The following ITSN2 variants were observed in gnomAD, a reference collection of about 807,000 sequenced individuals.
ITSN2 encodes the protein intersectin 2.
Under a neutral mutation model 243.7 loss-of-function variants are expected in ITSN2, and 156 were observed. The ratio of observed to expected loss-of-function variants is 0.64; its 90% confidence interval spans 0.56 to 0.73. ITSN2 has a LOEUF of 0.73. ITSN2 is among the 30% of genes least tolerant of loss of function. ITSN2 has a pLI of 0.00. For missense variants in ITSN2, 1,801 were observed against 1,996.1 expected (o/e 0.90, Z 1.86); for synonymous variants, 703 against 699.9 (o/e 1.00, Z -0.07).
intron 24 of ITSN2, 80 bp from the exon 25 acceptor site, chr2:24,252,591 G>T: frequency 9.6e-7 from 1 of 1,036,534 alleles, no homozygotes; most frequent in Non-Finnish European, 1.4e-6. Flanking sequence ...TATTCTCCAA[G>T]ACATTGTATA....
At chr2:24,361,188 C>T (rs897385752), upstream of ITSN2, among the ~76,000 whole-genome samples, 1 of 152,196 alleles carries the variant, frequency 6.6e-6, no homozygotes, top group African/African-American at 2.4e-5. Context: ...TAGGAAGACT[C>T]TGTCCCCATA....
At chr2:24,337,315 A>AATATATATATCTATACATAT (rs1686499406) in intron 1 of ITSN2, among the ~76,000 whole-genome samples, 1 of 32,026 alleles carries the variant, frequency 3.1e-5, no homozygotes, top group Non-Finnish European at 5.7e-5. Context: ...GTATACACAA[A>AATATATATATCTATACATAT]ATATATATAT....
chr2:24,335,725 G>A (rs529336157), intron 1 of ITSN2, among the ~76,000 whole-genome samples: 31 of 151,966 alleles, frequency 2.0e-4, no homozygotes, highest in East Asian at 1.4e-3. Context: ...TGCAACCTCC[G>A]CCTCCCTGGT....
At chr2:24,357,791 GA>G (rs1395555624) in intron 1 of ITSN2, among the ~76,000 whole-genome samples, 3 of 152,166 alleles carry the variant, frequency 2.0e-5, no homozygotes, top group Admixed American at 2.0e-4. Context: ...ATCATTTCTG[GA>G]ACTTGTTAAT....
chr2:24,308,719 G>A lies in ITSN2; in HGVS notation c.691C>T (p.Pro231Ser). Residue 231 changes from proline to serine, a missense_variant, in exon 8 of 40, where the codon CCC (proline) becomes TCC (serine). By Grantham distance (74) the Pro-to-Ser change is moderately conservative. Around this residue, in one of 5 missense-constraint regions of ITSN2, gnomAD observed 787 missense variants for 803.9 expected, o/e 0.98. Transcript: ENST00000355123. ...GCCCACTCTGAGGTCCCAGTCTTGG[G>A]TGAGTTCCCTGAGAGTGAAGCAGTC... is the stretch of plus-strand genomic sequence containing the variant. ...SSTASLSGNS[P>S]KTGTSEWAVP... is the part of the protein sequence containing the mutation. 6.6e-7 allele frequency: 1 copy of A among 1,515,848 alleles called. No individual in the cohort carries two copies. Among genetic ancestry groups the A allele is most frequent in the South Asian group, 1.4e-5 (1 of 70,954 alleles). 93.9% of individuals were successfully genotyped at this position (1,515,848 alleles called of 1,614,324 possible). A position where few individuals can be genotyped will look rare whatever the true frequency, so the allele number is the denominator to read the frequency against.
rs1683516034 is a variant in ITSN2, at chr2:24,313,490, C to T, written c.158G>A (p.Gly53Asp). 6.2e-7 allele frequency: 1 copy of T among 1,613,326 alleles called. No homozygotes were observed. The highest frequency in any genetic ancestry group is 2.2e-5 in the East Asian group (1 of 44,840). Residue 53 changes from glycine (G) to aspartate (D), a missense_variant, in exon 4 of 40, where the codon GGT (glycine) becomes GAT (aspartate). By Grantham distance (94) the Gly-to-Asp change is moderately conservative. Coordinates refer to ENST00000355123, the MANE Select transcript of ITSN2 (RefSeq NM_006277.3). ...TTCAGCTAAAACAGGGGCCGGCAGA[C>T]CTGATTGTAGGAAAAAATTACGTGC... ...DQARNFFLQS[G>D]LPAPVLAEIW...
At position 24,299,989 on chromosome 2, in the gene ITSN2, A is replaced by C; in HGVS notation, c.1264T>G (p.Leu422Val). ...QEQEWKKQLE[L>V]EKRLEKQREL... ...CGTTGCTTCTCTAAGCGTTTTTCTA[A>C]TTCAAGTTGTTTCTTCCATTCTTGT... The change falls in exon 12 of 40, where the codon TTA becomes GTA. Residue 422 changes from leucine to valine, a missense_variant. Physicochemically the swap from Leu to Val is conservative, Grantham distance 32 (BLOSUM62 1). Coordinates refer to ENST00000355123, the MANE Select transcript of ITSN2 (RefSeq NM_006277.3). The C allele has an allele frequency of 6.2e-7, 1 of 1,614,006 alleles. No individual in the cohort carries two copies. The highest frequency in any genetic ancestry group is 8.5e-7 in the Non-Finnish European group (1 of 1,179,954).
intron 17 of ITSN2, among the ~76,000 whole-genome samples, chr2:24,280,286 A>T (rs1678605649): frequency 6.6e-6 from 1 of 152,162 alleles, no homozygotes; most frequent in African/African-American, 2.4e-5. Context: ...ACAGCATCAG[A>T]ACTAAGTGCC....
intron 1 of ITSN2, among the ~76,000 whole-genome samples, chr2:24,343,972 A>T (rs1218174099): frequency 6.6e-6 from 1 of 152,194 alleles, no homozygotes; most frequent in African/African-American, 2.4e-5. Flanking sequence ...CCCAGTCCTG[A>T]TTACCACAGT....
chr2:24,248,541 TC>T, intron 27 of ITSN2, 87 bp downstream of exon 27: 1 of 1,073,396 alleles, frequency 9.3e-7, no homozygotes, highest in Non-Finnish European at 1.3e-6. Context: ...TTATGGGTGA[TC>T]TAAAAATTTT....
intron 5 of ITSN2, chr2:24,311,534 CT>C (rs752305917): frequency 6.0e-6 from 1 of 167,012 alleles, no homozygotes; most frequent in Non-Finnish European, 1.5e-5. Flanking sequence ...GCACACACCC[CT>C]ATAACCAGCT....
chr2:24,307,991 C>T (rs894061965), intron 8 of ITSN2, among the ~76,000 whole-genome samples: 1 of 152,152 alleles, frequency 6.6e-6, no homozygotes, highest in Non-Finnish European at 1.5e-5. Context: ...TTATTTTACT[C>T]GGTCCTAAAT....
chr2:24,299,482 A>G (rs1681454794), intron 12 of ITSN2, among the ~76,000 whole-genome samples: 1 of 152,176 alleles, frequency 6.6e-6, no homozygotes, highest in Admixed American at 6.5e-5. Context: ...AGGCCTGTGC[A>G]AGCCCATCCT....
At chr2:24,341,839 G>A (rs1035205480) in intron 1 of ITSN2, among the ~76,000 whole-genome samples, 3 of 152,136 alleles carry the variant, frequency 2.0e-5, no homozygotes, top group African/African-American at 7.2e-5. Flanking sequence ...GGGCGACAGA[G>A]CAAGATTTCC....
intron 29 of ITSN2, among the ~76,000 whole-genome samples, chr2:24,243,433 C>T (rs964995508): frequency 2.0e-5 from 3 of 151,930 alleles, no homozygotes; most frequent in Admixed American, 6.6e-5. Flanking sequence ...AAAATCATTG[C>T]GTAGGTCAAT....
At chr2:24,227,070 C>T (rs1259516447) in intron 29 of ITSN2, among the ~76,000 whole-genome samples, 3 of 151,908 alleles carry the variant, frequency 2.0e-5, no homozygotes, top group East Asian at 1.9e-4. Flanking sequence ...GAGCTGAGAT[C>T]GTGTCACTGC....
At chr2:24,313,409 A>G (rs768932965) in intron 4 of ITSN2, 51 bp downstream of exon 4, 1 of 1,501,004 alleles carries the variant, frequency 6.7e-7, no homozygotes, top group Non-Finnish European at 9.2e-7. Flanking sequence ...ACTATATTAC[A>G]AAAAAACAAA....
intron 1 of ITSN2, among the ~76,000 whole-genome samples, chr2:24,330,165 C>G (rs1375013238): frequency 6.6e-6 from 1 of 152,132 alleles, no homozygotes; most frequent in Non-Finnish European, 1.5e-5. Context: ...GAAAAACCAA[C>G]GAGGAATGGG....
chr2:24,207,302 G>A (rs946764145), intron 37 of ITSN2, among the ~76,000 whole-genome samples: 5 of 152,096 alleles, frequency 3.3e-5, no homozygotes, highest in Admixed American at 3.3e-4. Context: ...GAGGAGGACT[G>A]CAGTGCAGCT....
Sources: allele counts gnomAD v4.1 joint callset (sites outside exome capture counted in the v4.1 genomes callset), GRCh38; gene constraint gnomAD v4.1.1; regional missense constraint gnomAD v4.1.1; transcripts MANE v1.5; gene names NCBI Gene and HGNC (gene_info 2026-07-23, HGNC 2026-07-21).